HHAT: variants seen among roughly 807,000 people sequenced by gnomAD.
The protein encoded by HHAT is hedgehog acyltransferase, also known as protein-cysteine N-palmitoyltransferase HHAT.
HHAT carries 47 observed loss-of-function variants against 70.8 expected under a neutral mutation model. The observed-to-expected ratio is 0.66, with a 90% confidence interval of 0.53 to 0.85. The LOEUF is 0.85. HHAT is among the 40% of genes least tolerant of loss of function. HHAT has a pLI of 0.00. For synonymous variants in HHAT, 228 were observed against 247.6 expected (o/e 0.92, Z 0.74); for missense variants, 609 against 604.8 (o/e 1.01, Z -0.07).
At chr1:210,395,348 T>G (rs2091724861) in intron 4 of HHAT, among the ~76,000 whole-genome samples, 1 of 152,128 alleles carries the variant, frequency 6.6e-6, no homozygotes, top group African/African-American at 2.4e-5. Flanking sequence ...GTCTGGCAGT[T>G]TTTCCTGACT....
intron 9 of HHAT, among the ~76,000 whole-genome samples, chr1:210,514,004 C>G (rs2095007581): frequency 6.6e-6 from 1 of 152,210 alleles, no homozygotes; most frequent in South Asian, 2.1e-4. Flanking sequence ...TGATAATGAA[C>G]AGTCTGTAGA....
chr1:210,662,817 C>A lies in HHAT; in HGVS notation c.1391-11471C>A, dbSNP rs118115525. Among the ~76,000 whole-genome samples the A allele has an allele frequency of 2.4e-4, 37 of 152,124 alleles. 1 individual carries two copies. The East Asian group carries it at 6.6e-3, about 27-fold the overall frequency. ...AAGTGCTTGCCTGCAGAGCTTGCAT[C>A]GGGAGTTAGGGAAGGATGAAAAATG... On this transcript the variant is annotated intron_variant, in intron 11 of 11. Coordinates refer to ENST00000261458, the MANE Select transcript of HHAT (RefSeq NM_018194.6).
At chr1:210,353,598 A>C (rs1264361319) in intron 2 of HHAT, among the ~76,000 whole-genome samples, 1 of 151,872 alleles carries the variant, frequency 6.6e-6, no homozygotes, top group African/African-American at 2.4e-5. Context: ...GTAGGTTTTC[A>C]GTTTGATTAG....
At chr1:210,523,329 T>A (rs1003054648) in intron 9 of HHAT, among the ~76,000 whole-genome samples, 3 of 152,148 alleles carry the variant, frequency 2.0e-5, no homozygotes, top group African/African-American at 7.2e-5. Context: ...TGCCTGAGCT[T>A]CTCCCATTAG....
chr1:210,438,984 C>A (rs1009626852), intron 7 of HHAT, among the ~76,000 whole-genome samples: 1 of 151,868 alleles, frequency 6.6e-6, no homozygotes, highest in Admixed American at 6.5e-5. Context: ...TCCAAACATC[C>A]CAGTGAATCA....
intron 9 of HHAT, among the ~76,000 whole-genome samples, chr1:210,577,073 G>T (rs1404636682): frequency 2.0e-5 from 3 of 146,916 alleles, no homozygotes; most frequent in Non-Finnish European, 3.0e-5. Flanking sequence ...TGTTTAACGG[G>T]TTTTTTTTTT....
At chr1:210,335,150 A>G (rs1449966319) in intron 1 of HHAT, among the ~76,000 whole-genome samples, 2 of 152,232 alleles carry the variant, frequency 1.3e-5, no homozygotes, top group Admixed American at 6.5e-5. Context: ...AAATATGGTA[A>G]GTCAAATCTA....
chr1:210,612,398 A>G (rs991795911), intron 10 of HHAT, among the ~76,000 whole-genome samples: 6 of 152,144 alleles, frequency 3.9e-5, no homozygotes, highest in African/African-American at 1.4e-4. Flanking sequence ...AAATGCAACC[A>G]TACAATGTTT....
At chr1:210,473,591 T>C (rs1049625714) in intron 8 of HHAT, among the ~76,000 whole-genome samples, 2 of 152,154 alleles carry the variant, frequency 1.3e-5, no homozygotes, top group Non-Finnish European at 2.9e-5. Context: ...TACATCCTTG[T>C]GTTACAAAGA....
chr1:210,374,166 G>T (rs558664595), intron 3 of HHAT: 2 of 152,090 alleles, frequency 1.3e-5, no homozygotes, highest in Non-Finnish European at 2.9e-5. Context: ...GCCTCCCCAG[G>T]GCAAGGCTTA....
chr1:210,370,001 C>G (rs1356118630), intron 3 of HHAT, among the ~76,000 whole-genome samples: 1 of 151,932 alleles, frequency 6.6e-6, no homozygotes, highest in African/African-American at 2.4e-5. Flanking sequence ...TGGACTCTTT[C>G]TGGAGCCCTC....
intron 11 of HHAT, among the ~76,000 whole-genome samples, chr1:210,645,637 G>A (rs986729374): frequency 6.6e-6 from 1 of 152,202 alleles, no homozygotes; most frequent in Non-Finnish European, 1.5e-5. Context: ...TTCGCACTGC[G>A]AGGTGTATGC....
intron 11 of HHAT, among the ~76,000 whole-genome samples, chr1:210,668,777 T>G (rs1679462480): frequency 6.6e-6 from 1 of 152,124 alleles, no homozygotes; most frequent in Non-Finnish European, 1.5e-5. Flanking sequence ...ATTTATTTAT[T>G]TTTTTTATTT....
intron 8 of HHAT, among the ~76,000 whole-genome samples, chr1:210,504,902 CTTT>C (rs71571952): frequency 4.8e-5 from 6 of 124,532 alleles, no homozygotes; most frequent in East Asian, 2.3e-4. Context: ...GCTTTTTATT[CTTT>C]TTTTTTTTTT....
At chr1:210,512,703 T>G (rs2094979814) in intron 8 of HHAT, among the ~76,000 whole-genome samples, 2 of 147,594 alleles carry the variant, frequency 1.4e-5, no homozygotes, top group South Asian at 2.1e-4. Flanking sequence ...CATATATATG[T>G]GTGTGTGTGT....
At chr1:210,404,355 C>T (rs2092233693) in intron 5 of HHAT, 109 bp from the exon 6 acceptor site, 2 of 795,468 alleles carry the variant, frequency 2.5e-6, no homozygotes, top group Non-Finnish European at 2.1e-6. Flanking sequence ...TTCCCAGAGC[C>T]CCCTGGGATT....
intron 11 of HHAT, among the ~76,000 whole-genome samples, chr1:210,659,440 T>C (rs2148955710): frequency 6.6e-6 from 1 of 151,580 alleles, no homozygotes; most frequent in South Asian, 2.1e-4. Context: ...CAATAATTAA[T>C]AGCCTCCCAA....
chr1:210,470,333 G>A (rs6662812), intron 8 of HHAT, among the ~76,000 whole-genome samples: 123,024 of 152,032 alleles, frequency 0.81, 49,950 homozygotes, highest in South Asian at 0.87. Flanking sequence ...GCTCTTATTC[G>A]TTCATATAGC....
At chr1:210,397,915 A>C (rs1464780036) in intron 4 of HHAT, among the ~76,000 whole-genome samples, 1 of 152,106 alleles carries the variant, frequency 6.6e-6, no homozygotes, top group East Asian at 1.9e-4. Context: ...TACCTCTATA[A>C]TGGGGACTGC....
Sources: gnomAD v4.1 joint callset for allele counts (sites outside exome capture counted in the v4.1 genomes callset) on GRCh38, gnomAD v4.1.1 for gene constraint, MANE v1.5 for transcripts, NCBI Gene and HGNC (gene_info 2026-07-23, HGNC 2026-07-21) for gene names.